NFATC2: variants seen among roughly 807,000 people sequenced by gnomAD.
NFATC2 encodes nuclear factor of activated T cells 2, also known as nuclear factor of activated T-cells, cytoplasmic 2.
A neutral mutation model predicts 87.3 loss-of-function variants in NFATC2; 22 were observed. The observed-to-expected ratio is 0.25, with a 90% CI of 0.18 to 0.36. The LOEUF (loss-of-function observed/expected upper bound fraction) is 0.36, where lower values mean the gene tolerates loss of function less well. Ranked by LOEUF, NFATC2 falls within the 10% of genes least tolerant of loss-of-function variation. The pLI, the probability that NFATC2 is intolerant of heterozygous loss-of-function variation, is 1.00. For missense variants in NFATC2, 1,149 were observed against 1,259.1 expected (o/e 0.91, Z 1.32); for synonymous variants, 565 against 542.2 (o/e 1.04, Z -0.58).
chr20:51,454,740 A>G, intron 5 of NFATC2, 52 bp from the exon 6 acceptor site: 2 of 1,596,682 alleles, frequency 1.3e-6, no homozygotes, highest in East Asian at 2.2e-5. Flanking sequence ...TGTCTGTTCA[A>G]AAGAGGAGGT....
At chr20:51,507,498 A>G (rs1043501741) in intron 3 of NFATC2, among the ~76,000 whole-genome samples, 7 of 152,226 alleles carry the variant, frequency 4.6e-5, no homozygotes, top group Non-Finnish European at 7.3e-5. Flanking sequence ...CGAAAGAACA[A>G]CAGATGAAAT....
intron 9 of NFATC2, among the ~76,000 whole-genome samples, chr20:51,407,750 G>C (rs866353468): frequency 6.6e-6 from 1 of 152,242 alleles, no homozygotes; most frequent in East Asian, 1.9e-4. Flanking sequence ...TTCAACTGCT[G>C]AGCAGACGGG....
intron 5 of NFATC2, among the ~76,000 whole-genome samples, chr20:51,461,556 G>A (rs1472058119): frequency 6.6e-6 from 1 of 152,188 alleles, no homozygotes; most frequent in East Asian, 1.9e-4. Context: ...GACGCTGTTG[G>A]TTTAACCAGT....
In NFATC2 at chr20:51,469,807, G is replaced by A. The variant is rs561429081; in HGVS notation, c.1708+4173C>T. On this transcript the variant is annotated intron_variant, in intron 5 of 10. Coordinates refer to ENST00000371564, the MANE Select transcript of NFATC2 (RefSeq NM_012340.5). Reference sequence around the variant, plus strand: ...AAAAGCTGGCGGGGATGGCACCGGCGGTTTCTCCCCTGAGTCTCCAGCAGG... The same window carrying A: ...AAAAGCTGGCGGGGATGGCACCGGCAGTTTCTCCCCTGAGTCTCCAGCAGG... 9.0e-4 allele frequency among the ~76,000 whole-genome samples: 137 copies of A among 152,258 alleles called. 1 individual carries two copies. Among genetic ancestry groups the A allele is most frequent in the African/African-American group, 3.2e-3 (131 of 41,548 alleles).
intron 3 of NFATC2, among the ~76,000 whole-genome samples, chr20:51,486,083 C>T (rs1282821514): frequency 6.6e-6 from 1 of 152,044 alleles, no homozygotes; most frequent in Non-Finnish European, 1.5e-5. Flanking sequence ...TGGTGGCGTG[C>T]ACCTGTAGTC....
intron 5 of NFATC2, among the ~76,000 whole-genome samples, chr20:51,455,938 AGATGGATGGATGAGTGGATGGG>A: frequency 9.1e-5 from 1 of 10,982 alleles, no homozygotes; most frequent in East Asian, 3.2e-3. Flanking sequence ...GTGGGTGGGT[AGATGGATGGATGAGTGGATGGG>A]TGGGTGGGTG....
At chr20:51,470,106 T>C (rs1569020728) in intron 5 of NFATC2, among the ~76,000 whole-genome samples, 1 of 152,106 alleles carries the variant, frequency 6.6e-6, no homozygotes, top group Non-Finnish European at 1.5e-5. Flanking sequence ...GGCAGGCCCT[T>C]GCAGCTGCTG....
chr20:51,401,938 G>C (rs1307133327), intron 9 of NFATC2, among the ~76,000 whole-genome samples: 1 of 152,120 alleles, frequency 6.6e-6, no homozygotes, highest in African/African-American at 2.4e-5. Flanking sequence ...CCAGACTTCT[G>C]AGCTCACAGG....
intron 5 of NFATC2, among the ~76,000 whole-genome samples, chr20:51,460,046 T>C (rs1986981398): frequency 6.6e-6 from 1 of 152,224 alleles, no homozygotes; most frequent in African/African-American, 2.4e-5. Flanking sequence ...GAAAATATCC[T>C]ATATAAGACA....
At chr20:51,479,772 G>A (rs552560194) in intron 3 of NFATC2, among the ~76,000 whole-genome samples, 1 of 152,176 alleles carries the variant, frequency 6.6e-6, no homozygotes, top group Non-Finnish European at 1.5e-5. Context: ...GGAAACTGAG[G>A]CTGCTAAGGT....
intron 3 of NFATC2, among the ~76,000 whole-genome samples, chr20:51,501,709 T>A (rs2076092184): frequency 6.6e-6 from 1 of 152,208 alleles, no homozygotes; most frequent in Non-Finnish European, 1.5e-5. Flanking sequence ...ACCTGACAGA[T>A]TGTGGAATTA....
At chr20:51,394,544 C>T (rs1376333161) in intron 10 of NFATC2, among the ~76,000 whole-genome samples, 2 of 151,702 alleles carry the variant, frequency 1.3e-5, no homozygotes, top group Admixed American at 1.3e-4. Context: ...ACCCCCAGCC[C>T]AGTCGCACTC....
intron 9 of NFATC2, among the ~76,000 whole-genome samples, chr20:51,418,649 T>C (rs755719324): frequency 2.0e-5 from 3 of 151,072 alleles, no homozygotes; most frequent in Non-Finnish European, 2.9e-5. Context: ...TTTCTTTTGT[T>C]GTTTGTTTGG....
intron 10 of NFATC2, 128 bp downstream of exon 10, chr20:51,398,515 G>C: frequency 1.7e-6 from 1 of 604,996 alleles, no homozygotes; most frequent in Non-Finnish European, 2.8e-6. Flanking sequence ...GCCCTTAAGA[G>C]CAGGAGAATG....
At chr20:51,486,489 C>T (rs942179297) in intron 3 of NFATC2, among the ~76,000 whole-genome samples, 7 of 152,178 alleles carry the variant, frequency 4.6e-5, no homozygotes, top group Admixed American at 3.9e-4. Context: ...GGTAGCCTGG[C>T]AGAAAGAGAG....
chr20:51,461,260 C>T (rs915550292), intron 5 of NFATC2, among the ~76,000 whole-genome samples: 5 of 152,172 alleles, frequency 3.3e-5, no homozygotes, highest in African/African-American at 9.7e-5. Context: ...AGGCTTGCAC[C>T]CACCCTCCTC....
At chr20:51,556,893 G>GGGGC (rs1296641449) in intron 1 of NFATC2, among the ~76,000 whole-genome samples, 2 of 152,154 alleles carry the variant, frequency 1.3e-5, no homozygotes, top group Non-Finnish European at 2.9e-5. Flanking sequence ...AGAGGGGATG[G>GGGGC]GGGCTGCTAG....
Position 51,523,347 on chromosome 20 carries a change from A to G in NFATC2, c.894T>C (p.Ala298=), listed in dbSNP as rs964770432. ...HGSPAGYPPV[A]GSAVIMDALN... ...GGGCATCCATGATCACGGCAGAGCC[A>G]GCCACAGGGGGGTACCCAGCCGGGG... Residue 298 remains alanine, a synonymous_variant, in exon 2 of 11, where the codon GCT becomes GCC. Coordinates refer to ENST00000371564, the MANE Select transcript of NFATC2 (RefSeq NM_012340.5). This position sits in a 1 kb window ranked among gnomAD's most constrained non-coding sequence, Gnocchi z 6.9. 6.2e-7 allele frequency: 1 copy of G among 1,612,138 alleles called. No homozygotes were observed. Among genetic ancestry groups the G allele is most frequent in the Non-Finnish European group, 8.5e-7 (1 of 1,179,200 alleles).
intron 6 of NFATC2, among the ~76,000 whole-genome samples, chr20:51,439,118 C>T (rs981209028): frequency 1.2e-4 from 18 of 152,174 alleles, no homozygotes; most frequent in African/African-American, 4.1e-4. Context: ...CTCAAGATAC[C>T]GTGGAAGCTT....
Sources: allele counts gnomAD v4.1 joint callset (sites outside exome capture counted in the v4.1 genomes callset), GRCh38; gene constraint gnomAD v4.1.1; non-coding constraint Gnocchi (gnomAD v3.1); transcripts MANE v1.5; gene names NCBI Gene and HGNC (gene_info 2026-07-23, HGNC 2026-07-21).